The following SLC6A6 variants were observed in gnomAD, a reference collection of about 807,000 sequenced individuals.
SLC6A6 encodes the protein solute carrier family 6 member 6.
Under a neutral mutation model 68.8 loss-of-function variants are expected in SLC6A6, and 16 were observed. The ratio of observed to expected loss-of-function variants is 0.23; its 90% CI spans 0.16 to 0.35. The LOEUF (loss-of-function observed/expected upper bound fraction) is 0.35, where lower values mean the gene tolerates loss of function less well. Ranked by LOEUF, SLC6A6 falls within the 10% of genes least tolerant of loss-of-function variation. SLC6A6 has a pLI of 1.00. For missense variants in SLC6A6, 474 were observed against 802.8 expected, an observed-to-expected ratio of 0.59 and a Z score of 4.95; for synonymous variants, 312 against 315.4, an observed-to-expected ratio of 0.99 and a Z score of 0.12.
rs2125003183 is a variant in SLC6A6, at chr3:14,485,151, T to TGTGA, written c.*147_*148insAGTG. ...CACAGAAAATGTAATTGTGGGTATG[T>TGTGA]GTGCGTGCGTGTGTGTGTGTGTGTG... On this transcript the variant is annotated 3_prime_UTR_variant, in exon 15 of 15. Transcript: ENST00000622186. The TGTGA allele has an allele frequency of 1.8e-6, 1 of 557,572 alleles. No individual in the cohort carries two copies. The highest frequency in any genetic ancestry group is 2.9e-6 in the Non-Finnish European group (1 of 343,060). 34.5% of individuals were successfully genotyped at this position (557,572 alleles called of 1,614,324 possible). A position where few individuals can be genotyped will look rare whatever the true frequency, so the allele number is the denominator to read the frequency against.
chr3:14,463,634 C>T (rs898852724), intron 6 of SLC6A6, among the ~76,000 whole-genome samples: 2 of 152,248 alleles, frequency 1.3e-5, no homozygotes, highest in African/African-American at 2.4e-5. Context: ...GTCCGCCTGT[C>T]CTCAGGAAGG....
At chr3:14,419,340 C>T (rs928183563) in intron 2 of SLC6A6, among the ~76,000 whole-genome samples, 4 of 152,168 alleles carry the variant, frequency 2.6e-5, no homozygotes, top group Non-Finnish European at 5.9e-5. Context: ...AGGTGTGCGC[C>T]CTCCTCACTG....
At chr3:14,407,655 C>A (rs776485419) in intron 1 of SLC6A6, among the ~76,000 whole-genome samples, 3 of 152,098 alleles carry the variant, frequency 2.0e-5, no homozygotes, top group Non-Finnish European at 4.4e-5. Flanking sequence ...AGGCGCACGC[C>A]ACCACACCTG....
intron 1 of SLC6A6, among the ~76,000 whole-genome samples, chr3:14,403,904 T>C (rs895075574): frequency 2.0e-5 from 3 of 152,162 alleles, no homozygotes; most frequent in South Asian, 2.1e-4. Context: ...GTGTGCCGGG[T>C]AGGGCCACCG....
At chr3:14,433,280 G>A (rs779413861) in intron 2 of SLC6A6, among the ~76,000 whole-genome samples, 1 of 152,090 alleles carries the variant, frequency 6.6e-6, no homozygotes, top group African/African-American at 2.4e-5. Flanking sequence ...CTTCCCAAGA[G>A]CACATTACAG....
Position 14,450,291 on chromosome 3 carries a change from T to G in SLC6A6, c.599+2475T>G, listed in dbSNP as rs1173624928. ...CACACCTTCCAGAGGGACCGGGCCCTCGGGGGTATTCTGGGACCCTTGCCT... is the reference window on the plus strand; with the variant it reads ...CACACCTTCCAGAGGGACCGGGCCCGCGGGGGTATTCTGGGACCCTTGCCT... On this transcript the variant is annotated intron_variant, in intron 5 of 14. Coordinates refer to ENST00000622186, the MANE Select transcript of SLC6A6 (RefSeq NM_003043.6). The surrounding 1 kb of genome is among the most constrained non-coding windows in gnomAD (Gnocchi z 4.1). Among the ~76,000 whole-genome samples the G allele has an allele frequency of 6.6e-6, 1 of 152,076 alleles. No homozygotes were observed. Among genetic ancestry groups the G allele is most frequent in the Non-Finnish European group, 1.5e-5 (1 of 67,996 alleles).
intron 2 of SLC6A6, among the ~76,000 whole-genome samples, chr3:14,441,481 A>G (rs992127784): frequency 2.0e-5 from 3 of 152,032 alleles, no homozygotes; most frequent in African/African-American, 7.3e-5. Flanking sequence ...GCTCTGGCAG[A>G]CAGAGGAAGG....
rs75956439 is a variant in SLC6A6 at position 14,444,464 on chromosome 3, T to G, written c.229+601T>G. The G allele has an allele frequency of 4.8e-3, 1,139 of 238,308 alleles. 16 individuals carry two copies. The highest frequency in any genetic ancestry group is 0.024 in the African/African-American group (1,079 of 44,440). 14.8% of individuals were successfully genotyped at this position (238,308 alleles called of 1,614,324 possible). Reference sequence around the variant, plus strand: ...ATTTTGGTTTGCTTTTGTTTTTGTGTTTTTGCCTGCTGAAGGCTCCGAGCA... The same window carrying G: ...ATTTTGGTTTGCTTTTGTTTTTGTGGTTTTGCCTGCTGAAGGCTCCGAGCA... On this transcript the variant is annotated intron_variant, in intron 3 of 14. Coordinates refer to ENST00000622186, the MANE Select transcript of SLC6A6 (RefSeq NM_003043.6).
chr3:14,431,252 G>C (rs867089898), intron 2 of SLC6A6, among the ~76,000 whole-genome samples: 3 of 152,176 alleles, frequency 2.0e-5, no homozygotes, highest in Non-Finnish European at 2.9e-5. Flanking sequence ...TGTCGCCCTC[G>C]TAGAGGAGCT....
rs567470296 is a variant in SLC6A6 at position 14,469,423 on chromosome 3, C to T, written c.1096+1211C>T. 1.6e-4 allele frequency among the ~76,000 whole-genome samples: 25 copies of T among 152,316 alleles called. No individual in the cohort carries two copies. The South Asian group carries it at 1.9e-3, about 11-fold the overall frequency. ...CCTCCTGTGCCATCTGTATTTGGAA[C>T]ATGAGGCGATGTCCCAGTCCCTGAG... On this transcript the variant is annotated intron_variant, in intron 9 of 14. Transcript: ENST00000622186.
intron 2 of SLC6A6, among the ~76,000 whole-genome samples, chr3:14,441,394 A>G (rs11918111): frequency 0.088 from 13,363 of 151,870 alleles, 773 homozygotes; most frequent in Admixed American, 0.2. Context: ...TGCTAGGACT[A>G]TTTTTACAGT....
At position 14,466,543 on chromosome 3, in the gene SLC6A6, T is replaced by G; in HGVS notation, c.760T>G (p.Phe254Val). The change falls in exon 7 of 15, where the codon TTC becomes GTC. Residue 254 changes from phenylalanine to valine, a missense_variant. Physicochemically the swap from Phe to Val is conservative, Grantham distance 50. Coordinates refer to ENST00000622186, the MANE Select transcript of SLC6A6 (RefSeq NM_003043.6). Reference protein sequence around the residue: ...KVVYFTATFPFAMLLVLLVRG... With the variant: ...KVVYFTATFPVAMLLVLLVRG... Reference sequence around the variant, plus strand: ...CGTCTACTTCACAGCCACTTTTCCATTCGCCATGCTCCTGGTGCTGCTGGT... The same window carrying G: ...CGTCTACTTCACAGCCACTTTTCCAGTCGCCATGCTCCTGGTGCTGCTGGT... 1 of 1,612,508 alleles carries G rather than the reference T, an allele frequency of 6.2e-7. No homozygotes were observed. Among genetic ancestry groups the G allele is most frequent in the Non-Finnish European group, 8.5e-7 (1 of 1,178,982 alleles).
At chr3:14,454,138 C>T (rs921749965) in intron 5 of SLC6A6, among the ~76,000 whole-genome samples, 4 of 152,066 alleles carry the variant, frequency 2.6e-5, no homozygotes, top group Non-Finnish European at 5.9e-5. Flanking sequence ...CCTGGGAGGA[C>T]GTGGAGCAGA....
chr3:14,457,744 G>C (rs1700401164), intron 5 of SLC6A6, among the ~76,000 whole-genome samples: 1 of 152,226 alleles, frequency 6.6e-6, no homozygotes. Flanking sequence ...CCTGAATCTG[G>C]AGTCTGAGTC....
At chr3:14,421,918 A>G (rs1168103891) in intron 2 of SLC6A6, among the ~76,000 whole-genome samples, 1 of 152,186 alleles carries the variant, frequency 6.6e-6, no homozygotes, top group African/African-American at 2.4e-5. Context: ...CTTGGGCCTC[A>G]GGTGGAGTGA....
At chr3:14,464,714 GCC>G (rs1700576438) in intron 6 of SLC6A6, among the ~76,000 whole-genome samples, 1 of 152,180 alleles carries the variant, frequency 6.6e-6, no homozygotes, top group South Asian at 2.1e-4. Context: ...CCCCAGCAGT[GCC>G]CTGGCACTGC....
chr3:14,470,232 G>A (rs1041312496), intron 9 of SLC6A6, among the ~76,000 whole-genome samples: 10 of 152,004 alleles, frequency 6.6e-5, no homozygotes, highest in Non-Finnish European at 1.5e-4. Context: ...TTTTCCTCCC[G>A]TCCACTTCAA....
At chr3:14,443,920 G>A (rs1279980037) in intron 3 of SLC6A6, 57 bp downstream of exon 3, 1 of 1,267,100 alleles carries the variant, frequency 7.9e-7, no homozygotes, top group East Asian at 2.3e-5. Context: ...CCTTAGAGCT[G>A]GAGGCTGGGA....
At position 14,419,356 on chromosome 3, in the gene SLC6A6, G is replaced by A. The variant is rs374879089; in HGVS notation, c.-12+2903G>A. Among the ~76,000 whole-genome samples, 304 of 152,312 alleles carry A rather than the reference G, an allele frequency of 2.0e-3. 1 individual carries two copies. Among genetic ancestry groups the A allele is most frequent in the Middle Eastern group, 0.01 (3 of 294 alleles). ...GGTGTGCGCCCTCCTCACTGGGCAC[G>A]TCACTTGAGGGCTCTGACCTTCAGG... On this transcript the variant is annotated intron_variant, in intron 2 of 14. Coordinates refer to ENST00000622186, the MANE Select transcript of SLC6A6 (RefSeq NM_003043.6).
Sources: allele counts gnomAD v4.1 joint callset (sites outside exome capture counted in the v4.1 genomes callset), GRCh38; gene constraint gnomAD v4.1.1; non-coding constraint Gnocchi (gnomAD v3.1); transcripts MANE v1.5; gene names NCBI Gene and HGNC (gene_info 2026-07-23, HGNC 2026-07-21).